Variants in LDB2 observed in about 807,000 individuals in gnomAD.
The protein encoded by LDB2 is LIM domain-binding protein 2.
LDB2 carries 12 observed loss-of-function variants against 44.3 expected under a neutral mutation model. The ratio of observed to expected loss-of-function variants is 0.27; its 90% CI spans 0.17 to 0.44. The LOEUF is 0.44. LDB2 is among the 20% of genes least tolerant of loss of function. LDB2 has a pLI of 1.00. For missense variants in LDB2, 344 were observed against 473.5 expected (o/e 0.73, Z 2.54); for synonymous variants, 164 against 174.8 (o/e 0.94, Z 0.49).
intron 1 of LDB2, among the ~76,000 whole-genome samples, chr4:16,770,395 C>T (rs1351011783): frequency 6.6e-6 from 1 of 152,200 alleles, no homozygotes; most frequent in Non-Finnish European, 1.5e-5. Flanking sequence ...TAATTGAACA[C>T]TGCCACTCTC....
chr4:16,728,443 TA>T (rs1487374215), intron 2 of LDB2, among the ~76,000 whole-genome samples: 1 of 152,076 alleles, frequency 6.6e-6, no homozygotes, highest in Non-Finnish European at 1.5e-5. Context: ...CAGTACAGTA[TA>T]GTATCAAGTA....
intron 2 of LDB2, among the ~76,000 whole-genome samples, chr4:16,621,835 AG>A (rs1728964115): frequency 6.6e-6 from 1 of 152,222 alleles, no homozygotes; most frequent in Non-Finnish European, 1.5e-5. Flanking sequence ...CTAGGATTAC[AG>A]GTGTAAACCA....
At chr4:16,813,877 CTT>C (rs369397187) in intron 1 of LDB2, among the ~76,000 whole-genome samples, 17 of 143,848 alleles carry the variant, frequency 1.2e-4, no homozygotes, top group Admixed American at 1.4e-4. Flanking sequence ...CTTTTCTTTT[CTT>C]TTTTTTTTTT....
intron 2 of LDB2, among the ~76,000 whole-genome samples, chr4:16,709,190 T>C (rs911411714): frequency 6.6e-6 from 1 of 152,202 alleles, no homozygotes; most frequent in African/African-American, 2.4e-5. Context: ...TAAAAATGTA[T>C]TTAATTAATG....
chr4:16,889,823 C>A, intron 1 of LDB2, among the ~76,000 whole-genome samples: 1 of 152,068 alleles, frequency 6.6e-6, no homozygotes, highest in Non-Finnish European at 1.5e-5. Context: ...TCCAATAATT[C>A]CTATGAAGAA....
At chr4:16,744,298 A>G (rs1016997483) in intron 2 of LDB2, among the ~76,000 whole-genome samples, 1 of 151,594 alleles carries the variant, frequency 6.6e-6, no homozygotes, top group Non-Finnish European at 1.5e-5. Context: ...TTGGGATTAC[A>G]GGCACCCGCC....
rs112105242 is a variant in LDB2, at chr4:16,661,623, AT to A, written c.236-65749del. On this transcript the variant is annotated intron_variant, in intron 2 of 7. Transcript: ENST00000304523. ...TGTGGCTATTAGTATGGCTATAACC[AT>A]TTTTTTTTAACGTTGTCCTCTTCAT... Among the ~76,000 whole-genome samples, 654 of 151,328 alleles carry A rather than the reference AT, an allele frequency of 4.3e-3. 6 individuals are homozygous for A. The highest frequency in any genetic ancestry group is 0.014 in the African/African-American group (576 of 41,268).
At chr4:16,820,572 G>A (rs207677) in intron 1 of LDB2, among the ~76,000 whole-genome samples, 147,445 of 152,316 alleles carry the variant, frequency 0.97, 71,400 homozygotes, top group Middle Eastern at 0.99. Flanking sequence ...GCCCCATACC[G>A]GGCAGAGCTT....
At chr4:16,778,296 C>T (rs982512464) in intron 1 of LDB2, among the ~76,000 whole-genome samples, 9 of 152,184 alleles carry the variant, frequency 5.9e-5, no homozygotes, top group African/African-American at 2.2e-4. Context: ...CAATCATACG[C>T]ACACACGCAT....
At chr4:16,640,587 C>CA (rs1233332741) in intron 2 of LDB2, among the ~76,000 whole-genome samples, 13 of 152,176 alleles carry the variant, frequency 8.5e-5, no homozygotes, top group African/African-American at 2.9e-4. Context: ...CAGCCAGACA[C>CA]TATTAAAACT....
chr4:16,808,330 C>G (rs1017230036), intron 1 of LDB2, among the ~76,000 whole-genome samples: 5 of 152,118 alleles, frequency 3.3e-5, no homozygotes, highest in Non-Finnish European at 7.4e-5. Flanking sequence ...CATGGCTGTT[C>G]AGCAGAGACT....
chr4:16,674,390 A>T, intron 2 of LDB2: 1 of 603,732 alleles, frequency 1.7e-6, no homozygotes, highest in South Asian at 1.5e-5. Flanking sequence ...GCGGTGTTAG[A>T]AGCAGGGACC....
chr4:16,553,377 G>C (rs780059397), intron 5 of LDB2, among the ~76,000 whole-genome samples: 39 of 151,964 alleles, frequency 2.6e-4, no homozygotes, highest in Non-Finnish European at 4.6e-4. Flanking sequence ...GCCCAGGCTT[G>C]TCTTGAACTC....
chr4:16,828,772 A>C (rs1355902299), intron 1 of LDB2, among the ~76,000 whole-genome samples: 1 of 152,220 alleles, frequency 6.6e-6, no homozygotes, highest in Non-Finnish European at 1.5e-5. Context: ...TTAAGGAGCC[A>C]AAGGGAATGG....
intron 2 of LDB2, among the ~76,000 whole-genome samples, chr4:16,707,967 G>A (rs2152652072): frequency 6.6e-6 from 1 of 152,314 alleles, no homozygotes; most frequent in African/African-American, 2.4e-5. Flanking sequence ...ACTTGCGTGT[G>A]TGCCTCAAAT....
intron 2 of LDB2, among the ~76,000 whole-genome samples, chr4:16,610,963 G>A (rs1725440357): frequency 2.0e-5 from 3 of 152,180 alleles, no homozygotes; most frequent in Admixed American, 2.0e-4. Context: ...GGCAGCCAGA[G>A]AGAAAGGCCA....
chr4:16,697,815 T>C (rs181293337), intron 2 of LDB2, among the ~76,000 whole-genome samples: 173 of 152,292 alleles, frequency 1.1e-3, no homozygotes, highest in Admixed American at 2.5e-3. Context: ...AGGGAAAGAC[T>C]GATGGAAAAC....
intron 2 of LDB2, among the ~76,000 whole-genome samples, chr4:16,653,267 T>C (rs1220687529): frequency 6.6e-6 from 1 of 152,186 alleles, no homozygotes; most frequent in Non-Finnish European, 1.5e-5. Context: ...TAATTGTTGC[T>C]GAGTGGCCAT....
At chr4:16,739,738 AC>A (rs1762846127) in intron 2 of LDB2, among the ~76,000 whole-genome samples, 1 of 108,750 alleles carries the variant, frequency 9.2e-6, no homozygotes, top group Non-Finnish European at 1.7e-5. Flanking sequence ...ATGTGTATAT[AC>A]ATACATATAC....
Sources: gnomAD v4.1 joint callset for allele counts (sites outside exome capture counted in the v4.1 genomes callset) on GRCh38, gnomAD v4.1.1 for gene constraint, MANE v1.5 for transcripts, NCBI Gene and HGNC (gene_info 2026-07-23, HGNC 2026-07-21) for gene names.